Variants in BTD observed in about 807,000 individuals in gnomAD.
BTD encodes biotinidase.
In BTD, 13 loss-of-function variants were observed where a neutral mutation model predicts 17.7. The observed-to-expected ratio is 0.74, with a 90% CI of 0.48 to 1.17. The LOEUF (loss-of-function observed/expected upper bound fraction) is 1.17. Among genes scored for constraint, BTD ranks in the 50% most tolerant of loss-of-function variants. The probability of loss-of-function intolerance (pLI) is 0.00; values close to 1 mark genes in which losing one functional copy is unlikely to be tolerated. For missense variants in BTD, 674 were observed against 650.4 expected (o/e 1.04, Z -0.39); for synonymous variants, 240 against 245.2 (o/e 0.98, Z 0.20).
At chr3:15,708,119 A>C in intron 3 of BTD, 1 of 1,539,816 alleles carries the variant, frequency 6.5e-7, no homozygotes, top group Non-Finnish European at 8.8e-7. Flanking sequence ...TAACTAGTAA[A>C]CAAAAGCATA....
At chr3:15,715,544 GA>G (rs2072903492), downstream of BTD, among the ~76,000 whole-genome samples, 1 of 152,194 alleles carries the variant, frequency 6.6e-6, no homozygotes, top group African/African-American at 2.4e-5. Flanking sequence ...TAATTTTACA[GA>G]AGTTCTAATC....
chr3:15,691,034 C>T (rs1301317773), intron 3 of BTD, among the ~76,000 whole-genome samples: 1 of 152,042 alleles, frequency 6.6e-6, no homozygotes, highest in African/African-American at 2.4e-5. Context: ...CAAAGAAATG[C>T]ATAACCGAGC....
At chr3:15,712,229 T>C (rs941829807) in exon 4 of BTD, 1 of 1,568,216 alleles carries the variant, frequency 6.4e-7, no homozygotes, top group Non-Finnish European at 8.7e-7. Flanking sequence ...ACGCCTAAAG[T>C]TAATAGAACA....
chr3:15,603,057 A>G (rs2064322862), intron 1 of BTD, among the ~76,000 whole-genome samples: 2 of 152,134 alleles, frequency 1.3e-5, no homozygotes, highest in Admixed American at 6.5e-5. Context: ...CATGAGACTT[A>G]CTATCATTAG....
Position 15,602,045 on chromosome 3 carries a change from T to C in BTD, c.-17+151T>C, listed in dbSNP as rs554001220. 1.3e-5 allele frequency: 19 copies of C among 1,475,280 alleles called. No homozygotes were observed. The African/African-American group carries it at 1.7e-4, about 13-fold the overall frequency. 91.4% of individuals were successfully genotyped at this position (1,475,280 alleles called of 1,614,324 possible). On this transcript the variant is annotated intron_variant, in intron 1 of 3. Transcript: ENST00000643237. ...GCGCGCGTCGTTTGCTGGGGCTGTT[T>C]GTGCGTTGCTGCTGTGCTACCGCGT...
chr3:15,605,235 T>A (rs925784704), intron 1 of BTD, among the ~76,000 whole-genome samples: 3 of 152,170 alleles, frequency 2.0e-5, no homozygotes, highest in Non-Finnish European at 4.4e-5. Context: ...GTCACAATCA[T>A]GGTGGAAGAT....
At chr3:15,661,631 C>A (rs1446624168) in intron 3 of BTD, among the ~76,000 whole-genome samples, 3 of 152,150 alleles carry the variant, frequency 2.0e-5, no homozygotes, top group African/African-American at 7.2e-5. Flanking sequence ...TCTCACAGAG[C>A]AGAAATTTAA....
intron 1 of BTD, among the ~76,000 whole-genome samples, chr3:15,603,885 C>T (rs2125324348): frequency 1.3e-5 from 2 of 152,294 alleles, no homozygotes; most frequent in South Asian, 4.1e-4. Flanking sequence ...ATCTCACAGC[C>T]AGATCATGCT....
Position 15,708,088 on chromosome 3 carries a change from G to A in BTD, c.400-1972G>A, listed in dbSNP as rs768409267. 8.2e-6 allele frequency: 13 copies of A among 1,581,276 alleles called. No individual in the cohort carries two copies. In the South Asian group the frequency reaches 1.4e-4, roughly 17 times the overall value. ...ATCTTTTGGGTCCAAGTTAATACAA[G>A]AAAGATAAAAGCCAGAGACATAACT... On this transcript the variant is annotated intron_variant, in intron 3 of 3. Transcript: ENST00000672141.
At chr3:15,631,985 A>G (rs2065221056) in intron 1 of BTD, among the ~76,000 whole-genome samples, 2 of 151,964 alleles carry the variant, frequency 1.3e-5, no homozygotes, top group Admixed American at 6.6e-5. Context: ...TTTTGCTGCC[A>G]CTTTCTCCTT....
chr3:15,656,653 T>C (rs117065980), downstream of BTD, among the ~76,000 whole-genome samples: 306 of 152,296 alleles, frequency 2.0e-3, 6 homozygotes, highest in East Asian at 0.054. Flanking sequence ...ACATAGAATA[T>C]TTTATAAAAC....
chr3:15,713,455 G>T, downstream of BTD: 1 of 1,160,372 alleles, frequency 8.6e-7, no homozygotes, highest in Non-Finnish European at 1.3e-6. Flanking sequence ...CACGTGAAAT[G>T]TCTAGAAAAC....
chr3:15,621,185 C>CA (rs1168171015), intron 1 of BTD, among the ~76,000 whole-genome samples: 1 of 152,260 alleles, frequency 6.6e-6, no homozygotes, highest in East Asian at 1.9e-4. Flanking sequence ...TAGACTCACA[C>CA]ACTCATCTCC....
intron 1 of BTD, among the ~76,000 whole-genome samples, chr3:15,603,667 ATAAAAT>A (rs571594377): frequency 1.0e-3 from 155 of 152,322 alleles, no homozygotes; most frequent in Non-Finnish European, 1.8e-3. Flanking sequence ...AAAAAAAATA[ATAAAAT>A]TAAATTTAAA....
rs1246746653 is a variant in BTD, at chr3:15,653,690, TAAAG to T, written c.*8208_*8211del. Among the ~76,000 whole-genome samples the T allele has an allele frequency of 3.3e-5, 5 of 152,364 alleles. No homozygotes were observed. Among genetic ancestry groups the T allele is most frequent in the East Asian group, 3.9e-4 (2 of 5,190 alleles). On this transcript the variant is annotated 3_prime_UTR_variant, in exon 4 of 4. Transcript: ENST00000643237. Reference sequence around the variant, plus strand: ...TGTTCTAAAGTGATTCTTTGATAATTAAAGAAAGATGTAATTATGTATAATGTGA... The same window carrying T: ...TGTTCTAAAGTGATTCTTTGATAATTAAAGATGTAATTATGTATAATGTGA...
chr3:15,688,159 G>A (rs957492543), intron 3 of BTD, among the ~76,000 whole-genome samples: 10 of 152,142 alleles, frequency 6.6e-5, no homozygotes, highest in Non-Finnish European at 1.3e-4. Flanking sequence ...TTTACCTATT[G>A]AGAGTGCAAC....
At position 15,651,491 on chromosome 3, in the gene BTD, A is replaced by G. The variant is rs1286484945; in HGVS notation, c.*6003A>G. On this transcript the variant is annotated 3_prime_UTR_variant, in exon 4 of 4. Coordinates refer to ENST00000643237, the MANE Select transcript of BTD (RefSeq NM_001370658.1). The stretch of plus-strand genomic sequence containing the variant: ...AGGCCTGAAGGTGTGAAGGGCTGAA[A>G]TGGTTACCAGAAGCAGGAGAGGGAA... Among the ~76,000 whole-genome samples the G allele has an allele frequency of 6.6e-6, 1 of 152,188 alleles. No homozygotes were observed. The highest frequency in any genetic ancestry group is 2.4e-5 in the African/African-American group (1 of 41,452).
intron 3 of BTD, among the ~76,000 whole-genome samples, chr3:15,661,140 C>G (rs2065917856): frequency 1.3e-5 from 2 of 151,778 alleles, no homozygotes; most frequent in Admixed American, 1.3e-4. Context: ...GTGGTGCATG[C>G]CTGTAATCCC....
chr3:15,685,914 G>A (rs2125767044), intron 3 of BTD: 2 of 999,192 alleles, frequency 2.0e-6, no homozygotes, highest in Middle Eastern at 2.1e-4. Context: ...AACATTTAAT[G>A]AAGAAAAAAT....
Sources: gnomAD v4.1 joint callset for allele counts (sites outside exome capture counted in the v4.1 genomes callset) on GRCh38, gnomAD v4.1.1 for gene constraint, MANE v1.5 for transcripts, NCBI Gene and HGNC (gene_info 2026-07-23, HGNC 2026-07-21) for gene names.